The following NEK1 variants were observed in gnomAD, a reference collection of about 807,000 sequenced individuals.
The protein encoded by NEK1 is NIMA related kinase 1, also known as serine/threonine-protein kinase Nek1.
Under a neutral mutation model 182.1 loss-of-function variants are expected in NEK1, and 137 were observed. The observed-to-expected ratio is 0.75, with a 90% CI of 0.65 to 0.87. The LOEUF (loss-of-function observed/expected upper bound fraction) is 0.87, where lower values mean the gene tolerates loss of function less well. Among genes scored for constraint, NEK1 ranks in the 40% least tolerant of loss-of-function variants. The pLI is 0.00. For missense variants in NEK1, 1,391 were observed against 1,494.4 expected (o/e 0.93, Z 1.14); for synonymous variants, 513 against 492.2 (o/e 1.04, Z -0.56).
intron 31 of NEK1, among the ~76,000 whole-genome samples, chr4:169,408,357 G>A (rs935642338): frequency 6.6e-6 from 1 of 152,158 alleles, no homozygotes; most frequent in African/African-American, 2.4e-5. Context: ...CATGTTCACA[G>A]TACTCCTTGA....
chr4:169,465,830 T>C (rs1055824633), intron 26 of NEK1, among the ~76,000 whole-genome samples: 1 of 152,116 alleles, frequency 6.6e-6, no homozygotes, highest in African/African-American at 2.4e-5. Context: ...AAAGCAAGAC[T>C]TGAAAGAGCC....
At chr4:169,563,184 T>A (rs1763183063) in intron 12 of NEK1, among the ~76,000 whole-genome samples, 1 of 151,520 alleles carries the variant, frequency 6.6e-6, no homozygotes, top group Non-Finnish European at 1.5e-5. Flanking sequence ...ACATAGTGAG[T>A]CCCCATCTCT....
At chr4:169,404,265 G>A (rs993190417) in intron 32 of NEK1, among the ~76,000 whole-genome samples, 2 of 152,088 alleles carry the variant, frequency 1.3e-5, no homozygotes, top group Admixed American at 6.6e-5. Context: ...AATGACTACA[G>A]TCAAGTAGAA....
intron 12 of NEK1, among the ~76,000 whole-genome samples, chr4:169,567,876 T>G (rs1467709823): frequency 6.6e-6 from 1 of 151,834 alleles, no homozygotes; most frequent in African/African-American, 2.4e-5. Flanking sequence ...GAATATTTGA[T>G]AGTAGAGATA....
At chr4:169,397,687 G>T (rs1215153005) in intron 35 of NEK1, among the ~76,000 whole-genome samples, 2 of 152,160 alleles carry the variant, frequency 1.3e-5, no homozygotes, top group Non-Finnish European at 2.9e-5. Flanking sequence ...CCTGAGTGGT[G>T]TATTAACCTA....
In NEK1 at chr4:169,590,711, G is replaced by T; in HGVS notation, c.396+15C>A. On this transcript the variant is annotated intron_variant, in intron 6 of 35. Transcript: ENST00000507142. ...CTTTATCCATTCAGAAGTTATCAGT[G>T]ACAGAATAACATACCTGAGATTTAA... 1 of 1,554,620 alleles carries T rather than the reference G, an allele frequency of 6.4e-7. No homozygotes were observed. Among genetic ancestry groups the T allele is most frequent in the Non-Finnish European group, 8.8e-7 (1 of 1,141,398 alleles).
intron 23 of NEK1, among the ~76,000 whole-genome samples, chr4:169,485,172 A>C (rs1748810927): frequency 6.6e-6 from 1 of 152,222 alleles, no homozygotes; most frequent in Non-Finnish European, 1.5e-5. Context: ...TATGTTCTAT[A>C]ATCAAATGCA....
At chr4:169,503,426 G>A (rs1752734132) in intron 23 of NEK1, among the ~76,000 whole-genome samples, 1 of 152,032 alleles carries the variant, frequency 6.6e-6, no homozygotes, top group Non-Finnish European at 1.5e-5. Context: ...GTTATCCTGA[G>A]CAAAAAGAAC....
intron 5 of NEK1, among the ~76,000 whole-genome samples, chr4:169,594,912 T>C (rs570789358): frequency 8.5e-5 from 13 of 152,208 alleles, no homozygotes; most frequent in Non-Finnish European, 1.5e-5. Context: ...CAAGCCCTTA[T>C]CAAATCTATG....
At chr4:169,589,367 A>C (rs1232086361) in intron 7 of NEK1, 80 bp downstream of exon 7, 4 of 824,256 alleles carry the variant, frequency 4.9e-6, no homozygotes, top group East Asian at 2.7e-5. Context: ...AAGATACCAT[A>C]AATTATCACA....
At chr4:169,448,298 T>C (rs1740977583) in intron 27 of NEK1, among the ~76,000 whole-genome samples, 1 of 152,078 alleles carries the variant, frequency 6.6e-6, no homozygotes, top group South Asian at 2.1e-4. Flanking sequence ...AGTTGAAAAG[T>C]GAGGGACAAA....
At chr4:169,467,149 G>A (rs1004626105) in intron 26 of NEK1, among the ~76,000 whole-genome samples, 5 of 151,932 alleles carry the variant, frequency 3.3e-5, no homozygotes, top group Admixed American at 2.0e-4. Flanking sequence ...TTCCTATTAT[G>A]AGAATATAGT....
chr4:169,583,007 C>T (rs985297221), intron 10 of NEK1, among the ~76,000 whole-genome samples: 1 of 152,124 alleles, frequency 6.6e-6, no homozygotes. Context: ...AAACTAGGCC[C>T]TATCAACCAC....
chr4:169,505,267 TACAC>T (rs2149683608), intron 23 of NEK1, among the ~76,000 whole-genome samples: 1 of 152,170 alleles, frequency 6.6e-6, no homozygotes, highest in South Asian at 2.1e-4. Context: ...CAAATCCACT[TACAC>T]ACAATTTTTT....
chr4:169,582,395 T>C (rs1447375659), intron 10 of NEK1, among the ~76,000 whole-genome samples: 1 of 152,176 alleles, frequency 6.6e-6, no homozygotes, highest in Non-Finnish European at 1.5e-5. Context: ...GAGACTGTTG[T>C]GGTGAGACTC....
At chr4:169,568,642 T>C (rs1014158845) in intron 12 of NEK1, among the ~76,000 whole-genome samples, 1 of 152,110 alleles carries the variant, frequency 6.6e-6, no homozygotes, top group Non-Finnish European at 1.5e-5. Context: ...TATATTTGAA[T>C]ATAAATAGGA....
chr4:169,508,232 T>C lies in NEK1; in HGVS notation c.1833+16A>G, dbSNP rs1753632053. The C allele has an allele frequency of 1.3e-6, 2 of 1,568,468 alleles. No individual in the cohort carries two copies. The highest frequency in any genetic ancestry group is 1.7e-6 in the Non-Finnish European group (2 of 1,158,770). On this transcript the variant is annotated intron_variant, in intron 21 of 35. Transcript: ENST00000507142. ...ACATCATTCAATTTCTTCAAAAAAA[T>C]AGCTTTTCAACCTACCTTTTCACCA...
At chr4:169,555,013 TC>T in intron 18 of NEK1, 1 of 152,304 alleles carries the variant, frequency 6.6e-6, no homozygotes, top group Admixed American at 6.5e-5. Flanking sequence ...GATCAATAAT[TC>T]TGGAGAATAA....
intron 2 of NEK1, among the ~76,000 whole-genome samples, chr4:169,607,869 G>A (rs528314060): frequency 1.3e-5 from 2 of 152,128 alleles, no homozygotes; most frequent in African/African-American, 2.4e-5. Flanking sequence ...GCAGAAGGCA[G>A]GATTACTAGC....
Sources: allele counts gnomAD v4.1 joint callset (sites outside exome capture counted in the v4.1 genomes callset), GRCh38; gene constraint gnomAD v4.1.1; transcripts MANE v1.5; gene names NCBI Gene and HGNC (gene_info 2026-07-23, HGNC 2026-07-21).